TNPO3: variants seen among roughly 807,000 people sequenced by gnomAD.
The protein encoded by TNPO3 is transportin-3.
Under a neutral mutation model 122.8 loss-of-function variants are expected in TNPO3, and 65 were observed. The ratio of observed to expected loss-of-function variants is 0.53; its 90% CI spans 0.43 to 0.65. The LOEUF is 0.65. TNPO3 is among the 30% of genes least tolerant of loss of function. The pLI is 0.00. For missense variants in TNPO3, 850 were observed against 1,136.7 expected, an observed-to-expected ratio of 0.75 and a Z score of 3.63; for synonymous variants, 372 against 411.2, an observed-to-expected ratio of 0.90 and a Z score of 1.15.
chr7:128,986,755 G>A lies in TNPO3; in HGVS notation c.1664C>T (p.Pro555Leu). The A allele has an allele frequency of 1.2e-6, 2 of 1,613,510 alleles. No homozygotes were observed. The highest frequency in any genetic ancestry group is 1.3e-5 in the African/African-American group (1 of 74,996). Residue 555 changes from proline (P) to leucine (L), a missense_variant, in exon 12 of 23, where the codon CCA (proline) becomes CTA (leucine). Coordinates refer to ENST00000265388, the MANE Select transcript of TNPO3 (RefSeq NM_012470.4). ...ARSLDSFLLS[P>L]EAAVGLLKGT... is the part of the protein sequence containing the mutation. Reference sequence around the variant, plus strand: ...TTTTAGCAAGCCCACAGCAGCTTCTGGAGACAACAGGAAGGAATCGAGGGA... The same window carrying A: ...TTTTAGCAAGCCCACAGCAGCTTCTAGAGACAACAGGAAGGAATCGAGGGA...
Position 128,955,179 on chromosome 7 carries a change from C to A in TNPO3, c.*238G>T. 2.9e-6 allele frequency: 1 copy of A among 341,556 alleles called. No individual in the cohort carries two copies. Among genetic ancestry groups the A allele is most frequent in the Non-Finnish European group, 5.7e-6 (1 of 174,398 alleles). 21.2% of individuals were successfully genotyped at this position (341,556 alleles called of 1,614,324 possible). A position where few individuals can be genotyped will look rare whatever the true frequency, so the allele number is the denominator to read the frequency against. On this transcript the variant is annotated 3_prime_UTR_variant, in exon 23 of 23. Transcript: ENST00000265388. Reference sequence around the variant, plus strand: ...CCCTCCCACCACGCCGGGCAGGCCACAGCCATCTTTTTAAAATCCGCGCTG... The same window carrying A: ...CCCTCCCACCACGCCGGGCAGGCCAAAGCCATCTTTTTAAAATCCGCGCTG...
chr7:128,973,818 AAGAAAAG>A (rs1798764334), intron 18 of TNPO3, among the ~76,000 whole-genome samples: 2 of 142,614 alleles, frequency 1.4e-5, no homozygotes, highest in Admixed American at 7.1e-5. Flanking sequence ...AAAAAAAAAA[AAGAAAAG>A]GAAAAAAAAA....
chr7:128,981,190 T>C (rs1238680731), intron 14 of TNPO3, among the ~76,000 whole-genome samples: 1 of 152,190 alleles, frequency 6.6e-6, no homozygotes, highest in East Asian at 1.9e-4. Flanking sequence ...AAGGAAAACA[T>C]TGCACCAACT....
At position 128,991,770 on chromosome 7, in the gene TNPO3, A is replaced by G. The variant is rs537591199; in HGVS notation, c.1358+229T>C. Among the ~76,000 whole-genome samples the G allele has an allele frequency of 2.0e-3, 302 of 152,338 alleles. 4 individuals carry two copies. Among genetic ancestry groups the G allele is most frequent in the African/African-American group, 6.8e-3 (284 of 41,590 alleles). Reference sequence around the variant, plus strand: ...AAAAATAAATCAGCATTCTATTCCTAGCATCAAGAATAAAATAATTTCAAC... The same window carrying G: ...AAAAATAAATCAGCATTCTATTCCTGGCATCAAGAATAAAATAATTTCAAC... On this transcript the variant is annotated intron_variant, in intron 10 of 22. Coordinates refer to ENST00000265388, the MANE Select transcript of TNPO3 (RefSeq NM_012470.4).
At chr7:128,995,689 A>G (rs1387138171) in intron 8 of TNPO3, among the ~76,000 whole-genome samples, 3 of 123,080 alleles carry the variant, frequency 2.4e-5, no homozygotes, top group East Asian at 4.8e-4. Flanking sequence ...GGTTGAAGAC[A>G]GGAGTCTTCA....
Position 128,960,786 on chromosome 7 carries a change from G to A in TNPO3, c.2712-3471C>T, listed in dbSNP as rs190285492. On this transcript the variant is annotated intron_variant, in intron 21 of 22. Transcript: ENST00000265388. ...ATTATTATTATTATTTTGAGACAGA[G>A]TCTCACTCTGTCGCCCAGGCTGGAG... Among the ~76,000 whole-genome samples the A allele has an allele frequency of 3.8e-3, 579 of 151,842 alleles. 5 individuals carry two copies. The highest frequency in any genetic ancestry group is 0.013 in the African/African-American group (540 of 41,414).
chr7:129,048,392 T>C lies in TNPO3; in HGVS notation c.120+6259A>G, dbSNP rs537763069. Among the ~76,000 whole-genome samples the C allele has an allele frequency of 1.8e-4, 28 of 152,250 alleles. No homozygotes were observed. The South Asian group carries it at 5.6e-3, about 30-fold the overall frequency. On this transcript the variant is annotated intron_variant, in intron 1 of 22. Transcript: ENST00000265388. ...TAAAAATACAAAAATTAGCCGGGCA[T>C]GGTGGCATGTGCCTGTAGTCCCAGC...
chr7:128,980,531 C>T lies in TNPO3; in HGVS notation c.1860-500G>A, dbSNP rs1799521182. Reference sequence around the variant, plus strand: ...GCTGGTGGTGGTGCATGCCTATAATCCCAGCTACTTGGGAGGCTGGTGGTG... The same window carrying T: ...GCTGGTGGTGGTGCATGCCTATAATTCCAGCTACTTGGGAGGCTGGTGGTG... On this transcript the variant is annotated intron_variant, in intron 14 of 22. Coordinates refer to ENST00000265388, the MANE Select transcript of TNPO3 (RefSeq NM_012470.4). Among the ~76,000 whole-genome samples the T allele has an allele frequency of 2.0e-5, 3 of 152,080 alleles. No homozygotes were observed. In the East Asian group the frequency reaches 5.8e-4, roughly 29 times the overall value.
intron 5 of TNPO3, among the ~76,000 whole-genome samples, chr7:129,001,692 A>C (rs574746541): frequency 6.6e-6 from 1 of 152,340 alleles, no homozygotes; most frequent in South Asian, 2.1e-4. Context: ...AATGTGTAAC[A>C]GTCAAGTCAT....
chr7:128,985,353 G>C lies in TNPO3; in HGVS notation c.1691-1094C>G, dbSNP rs141898401. Among the ~76,000 whole-genome samples, 378 of 152,302 alleles carry C rather than the reference G, an allele frequency of 2.5e-3. No individual in the cohort carries two copies. In the Middle Eastern group the frequency reaches 0.027, roughly 11 times the overall value. Reference sequence around the variant, plus strand: ...CTCATGCCTGGTATCTCAGCACTTTGGGAGGCCAAGGCAGGAGGATCACTT... The same window carrying C: ...CTCATGCCTGGTATCTCAGCACTTTCGGAGGCCAAGGCAGGAGGATCACTT... On this transcript the variant is annotated intron_variant, in intron 12 of 22. Transcript: ENST00000265388.
At chr7:129,029,056 A>G (rs1198270036) in intron 1 of TNPO3, 2 of 296,994 alleles carry the variant, frequency 6.7e-6, no homozygotes, top group Non-Finnish European at 1.3e-5. Context: ...CACATCTAAG[A>G]TAGTTAAAAG....
chr7:128,986,792 C>T lies in TNPO3; in HGVS notation c.1627G>A (p.Glu543Lys), dbSNP rs1424685700. 2 of 1,613,980 alleles carry T rather than the reference C, an allele frequency of 1.2e-6. No homozygotes were observed. The highest frequency in any genetic ancestry group is 1.7e-6 in the Non-Finnish European group (2 of 1,180,006). Residue 543 changes from glutamate to lysine, a missense_variant, in exon 12 of 23, where the codon GAG (glutamate) becomes AAG (lysine). By Grantham distance (56) the Glu-to-Lys change is moderately conservative. Coordinates refer to ENST00000265388, the MANE Select transcript of TNPO3 (RefSeq NM_012470.4). ...HMAQHFNGLL[E>K]IARSLDSFLL... is the part of the protein sequence containing the mutation. ...AAGGAATCGAGGGAGCGGGCAATCTCCAGGAGTCCATTAAAGTGCTGAGCC... is the reference window on the plus strand; with the variant it reads ...AAGGAATCGAGGGAGCGGGCAATCTTCAGGAGTCCATTAAAGTGCTGAGCC...
At chr7:129,002,150 C>T (rs1032445369) in intron 5 of TNPO3, among the ~76,000 whole-genome samples, 7 of 152,132 alleles carry the variant, frequency 4.6e-5, no homozygotes, top group African/African-American at 1.2e-4. Flanking sequence ...AATATTCAGC[C>T]TACAACTTAA....
At chr7:129,032,761 TTAAGA>T (rs1380668259) in intron 1 of TNPO3, among the ~76,000 whole-genome samples, 2 of 152,332 alleles carry the variant, frequency 1.3e-5, no homozygotes, top group Admixed American at 6.5e-5. Flanking sequence ...CTTAATATTG[TTAAGA>T]TTTCAGTACT....
chr7:129,022,805 G>C (rs556111793), intron 1 of TNPO3, among the ~76,000 whole-genome samples: 1 of 152,238 alleles, frequency 6.6e-6, no homozygotes, highest in South Asian at 2.1e-4. Context: ...ATAAAGGCCA[G>C]AAACTGTTAC....
chr7:128,996,635 C>G (rs761071281), intron 8 of TNPO3, among the ~76,000 whole-genome samples: 2 of 148,086 alleles, frequency 1.4e-5, no homozygotes, highest in South Asian at 2.1e-4. Flanking sequence ...CCCAGCTACT[C>G]GGGAGGCTGA....
chr7:129,015,278 A>C (rs746232317), intron 3 of TNPO3, 143 bp from the exon 4 acceptor site: 4 of 752,882 alleles, frequency 5.3e-6, no homozygotes, highest in Non-Finnish European at 8.4e-6. Context: ...ACAAACATAA[A>C]TGTCCTCCAT....
intron 1 of TNPO3, among the ~76,000 whole-genome samples, chr7:129,044,867 T>C (rs1807832819): frequency 6.6e-6 from 1 of 152,198 alleles, no homozygotes; most frequent in Admixed American, 6.5e-5. Context: ...ATACTGTATA[T>C]CTAAAGAATT....
chr7:128,972,390 G>A, intron 19 of TNPO3, 36 bp downstream of exon 19: 1 of 1,587,080 alleles, frequency 6.3e-7, no homozygotes, highest in Non-Finnish European at 8.6e-7. Flanking sequence ...GGAGATAAAA[G>A]CTGTTAAGTA....
Sources: gnomAD v4.1 joint callset for allele counts (sites outside exome capture counted in the v4.1 genomes callset) on GRCh38, gnomAD v4.1.1 for gene constraint, MANE v1.5 for transcripts, NCBI Gene and HGNC (gene_info 2026-07-23, HGNC 2026-07-21) for gene names.